Variants in RBM28 observed in about 807,000 individuals in gnomAD.
The protein encoded by RBM28 is RNA-binding protein 28.
RBM28 carries 78 observed loss-of-function variants against 98.3 expected under a neutral mutation model. The observed-to-expected ratio is 0.79, with a 90% CI of 0.66 to 0.96. The LOEUF is 0.96. Among genes scored for constraint, RBM28 ranks in the 40% least tolerant of loss-of-function variants. The pLI is 0.00. For missense variants in RBM28, 838 were observed against 913.0 expected, an observed-to-expected ratio of 0.92 and a Z score of 1.06; for synonymous variants, 306 against 330.9, an observed-to-expected ratio of 0.92 and a Z score of 0.82.
At chr7:128,326,566 A>G (rs971436769) in intron 10 of RBM28, among the ~76,000 whole-genome samples, 2 of 152,230 alleles carry the variant, frequency 1.3e-5, no homozygotes, top group Non-Finnish European at 2.9e-5. Flanking sequence ...TTTGTAGCCT[A>G]GGAGCACATA....
chr7:128,329,062 T>G (rs1584651985), intron 10 of RBM28, among the ~76,000 whole-genome samples: 1 of 151,952 alleles, frequency 6.6e-6, no homozygotes, highest in African/African-American at 2.4e-5. Context: ...CGCAGCCTCC[T>G]GAGTAGCTGG....
Position 128,304,349 on chromosome 7 carries a change from A to C in RBM28, c.*6448T>G, listed in dbSNP as rs1445215865. 6.6e-6 allele frequency: 1 copy of C among 152,230 alleles called. No individual in the cohort carries two copies. The highest frequency in any genetic ancestry group is 2.4e-5 in the African/African-American group (1 of 41,462). The allele number at this position is 152,230 out of a possible 1,614,324, so 9.4% of individuals were successfully genotyped here. Reference sequence around the variant, plus strand: ...TACTATCTGATTCAACAAAGCAGTCACTCATTTCATGGAATGGATATGGGC... The same window carrying C: ...TACTATCTGATTCAACAAAGCAGTCCCTCATTTCATGGAATGGATATGGGC... On this transcript the variant is annotated 3_prime_UTR_variant, in exon 19 of 19. Transcript: ENST00000223073.
chr7:128,334,573 C>T (rs1796556430), intron 8 of RBM28, among the ~76,000 whole-genome samples: 1 of 152,100 alleles, frequency 6.6e-6, no homozygotes, highest in South Asian at 2.1e-4. Flanking sequence ...AAATCTCCAC[C>T]CAGACAAATC....
Position 128,300,619 on chromosome 7 carries a change from G to A in RBM28, c.*10178C>T, listed in dbSNP as rs1795769949. On this transcript the variant is annotated 3_prime_UTR_variant, in exon 19 of 19. Coordinates refer to ENST00000223073, the MANE Select transcript of RBM28 (RefSeq NM_018077.3). ...TTAATGCCCACTAAACGCTTTCTAC[G>A]ATGCCTGGAAACAACTGTTATCAAT... The A allele has an allele frequency of 6.6e-6, 1 of 152,234 alleles. No individual in the cohort carries two copies. The highest frequency in any genetic ancestry group is 6.5e-5 in the Admixed American group (1 of 15,282). The allele number at this position is 152,234 out of a possible 1,614,324, so 9.4% of individuals were successfully genotyped here.
Position 128,335,697 on chromosome 7 carries a change from A to G in RBM28, c.810-18T>C, listed in dbSNP as rs758852792. The G allele has an allele frequency of 6.2e-7, 1 of 1,614,198 alleles. No individual in the cohort carries two copies. The highest frequency in any genetic ancestry group is 8.5e-7 in the Non-Finnish European group (1 of 1,180,042). The stretch of plus-strand genomic sequence containing the variant: ...TGACTGCTCTGCAATGGCACAGATC[A>G]GAACTAAGGAGGTGGGCTGACAGAG... On this transcript the variant is annotated intron_variant, in intron 7 of 18. Coordinates refer to ENST00000223073, the MANE Select transcript of RBM28 (RefSeq NM_018077.3).
At chr7:128,339,137 A>C in intron 3 of RBM28, 90 bp downstream of exon 3, 43 of 1,182,786 alleles carry the variant, frequency 3.6e-5, no homozygotes, top group Non-Finnish European at 5.2e-5. Context: ...AAGCCCAATT[A>C]TACCATCTTG....
At position 128,300,881 on chromosome 7, in the gene RBM28, G is replaced by A. The variant is rs966977175; in HGVS notation, c.*9916C>T. 6 of 152,340 alleles carry A rather than the reference G, an allele frequency of 3.9e-5. No homozygotes were observed. The highest frequency in any genetic ancestry group is 1.4e-4 in the African/African-American group (6 of 41,444). The allele number at this position is 152,340 out of a possible 1,614,324, so 9.4% of individuals were successfully genotyped here. A position where few individuals can be genotyped will look rare whatever the true frequency, so the allele number is the denominator to read the frequency against. ...CTCTTCACAGCGCTCCACCCCTAGG[G>A]CCTGCTTAAATGGCACAGCCAGCTC... On this transcript the variant is annotated 3_prime_UTR_variant, in exon 19 of 19. Coordinates refer to ENST00000223073, the MANE Select transcript of RBM28 (RefSeq NM_018077.3).
chr7:128,320,392 A>G (rs1260244925), intron 14 of RBM28, among the ~76,000 whole-genome samples: 1 of 149,186 alleles, frequency 6.7e-6, no homozygotes, highest in Non-Finnish European at 1.5e-5. Flanking sequence ...CCAAAGACAG[A>G]GCAAGACCAC....
chr7:128,339,233 G>C lies in RBM28; in HGVS notation c.366C>G (p.Ser122Arg). Residue 122 changes from serine (S) to arginine (R), a missense_variant, in exon 3 of 19, where the codon AGC (serine) becomes AGG (arginine). By Grantham distance (110) the Ser-to-Arg change is moderately radical. Coordinates refer to ENST00000223073, the MANE Select transcript of RBM28 (RefSeq NM_018077.3). The part of the protein sequence containing the change: ...KKARLIIRNL[S>R]FKCSEDDLKT... ...CATTTTCTCTCTCACTTACCTTAAA[G>C]CTCAGGTTCCGAATAATTAATCTGG... 6.2e-7 allele frequency: 1 copy of C among 1,609,220 alleles called. No homozygotes were observed. The highest frequency in any genetic ancestry group is 8.5e-7 in the Non-Finnish European group (1 of 1,175,574).
At position 128,333,356 on chromosome 7, in the gene RBM28, T is replaced by C; in HGVS notation, c.953A>G (p.Gln318Arg). The C allele has an allele frequency of 6.3e-7, 1 of 1,597,200 alleles. No homozygotes were observed. The highest frequency in any genetic ancestry group is 8.6e-7 in the Non-Finnish European group (1 of 1,164,688). The change falls in exon 9 of 19, where the codon CAA (glutamine) becomes CGA (arginine). Residue 318 changes from glutamine to arginine, a missense_variant. By Grantham distance (43) the Gln-to-Arg change is conservative (BLOSUM62 1). Transcript: ENST00000223073. ...TTTCCTCTTCTTTTTGTTTGAGACT[T>C]GCACAGCTAAGGTAAAAAGAAAAAC... is the stretch of plus-strand genomic sequence containing the variant. ...STEEQEDKAV[Q>R]VSNKKKRKLP...
At position 128,298,788 on chromosome 7, in the gene RBM28, T is replaced by A. The variant is rs562149559; in HGVS notation, c.*12009A>T. The stretch of plus-strand genomic sequence containing the variant: ...ACTTTGAGAGGCTAAGGTGGGTGGA[T>A]CACTTGAGCTCAGGAGTTTGAGACC... On this transcript the variant is annotated 3_prime_UTR_variant, in exon 19 of 19. Transcript: ENST00000223073. The A allele has an allele frequency of 2.0e-5, 3 of 152,216 alleles. No homozygotes were observed. The South Asian group carries it at 6.2e-4, about 32-fold the overall frequency. The allele number at this position is 152,216 out of a possible 1,614,324, so 9.4% of individuals were successfully genotyped here.
rs1795738252 is a variant in RBM28, at chr7:128,298,530, A to G, written c.*12267T>C. The G allele has an allele frequency of 6.6e-6, 1 of 151,772 alleles. No homozygotes were observed. The highest frequency in any genetic ancestry group is 2.4e-5 in the African/African-American group (1 of 41,310). The allele number at this position is 151,772 out of a possible 1,614,324, so 9.4% of individuals were successfully genotyped here. A position where few individuals can be genotyped will look rare whatever the true frequency, so the allele number is the denominator to read the frequency against. On this transcript the variant is annotated 3_prime_UTR_variant, in exon 19 of 19. Coordinates refer to ENST00000223073, the MANE Select transcript of RBM28 (RefSeq NM_018077.3). The stretch of plus-strand genomic sequence containing the variant: ...TTTTCAGATTCTCTTTACTGAGCAT[A>G]TATTATTTTTACAATCAGAAAAAAA...
At position 128,343,661 on chromosome 7, in the gene RBM28, C is replaced by T. The variant is rs200459017; in HGVS notation, c.118+15G>A. On this transcript the variant is annotated intron_variant, in intron 1 of 18. Transcript: ENST00000223073. ...CAGGAAACCCCAGCCCTATCCTCGA[C>T]CGCCCCGCCCCTACCTTTTTCAGTC... is the stretch of plus-strand genomic sequence containing the variant. 1.1e-4 allele frequency: 178 copies of T among 1,594,064 alleles called. No homozygotes were observed. In the East Asian group the frequency reaches 3.4e-3, roughly 30 times the overall value.
chr7:128,310,661 A>C lies in RBM28; in HGVS notation c.*136T>G. 8.6e-7 allele frequency: 1 copy of C among 1,161,292 alleles called. No homozygotes were observed. The highest frequency in any genetic ancestry group is 1.3e-6 in the Non-Finnish European group (1 of 781,346). The allele number at this position is 1,161,292 out of a possible 1,614,324, so 71.9% of individuals were successfully genotyped here. A position where few individuals can be genotyped will look rare whatever the true frequency, so the allele number is the denominator to read the frequency against. ...ACCAAAGTTCAGATGTACACAGTCC[A>C]GGGCACCTCCGAGCACAGTGGCAGT... is the stretch of plus-strand genomic sequence containing the variant. On this transcript the variant is annotated 3_prime_UTR_variant, in exon 19 of 19. Transcript: ENST00000223073.
rs117179081 is a variant in RBM28 at position 128,317,987 on chromosome 7, G to A, written c.1683C>T (p.Asn561=). 7.0e-4 allele frequency: 1,122 copies of A among 1,614,198 alleles called. 11 individuals carry two copies. In the East Asian group the frequency reaches 0.02, roughly 28 times the overall value. Residue 561 remains asparagine, a synonymous_variant, in exon 15 of 19, where the codon AAC becomes AAT. Transcript: ENST00000223073. The part of the protein sequence containing the change: ...EHALKALRLI[N]NNPEIFGPLK... ...GAGGCCCAAAGATTTCTGGATTGTTGTTGATGAGGCGGAGGGCTTTCAGGG... is the reference window on the plus strand; with the variant it reads ...GAGGCCCAAAGATTTCTGGATTGTTATTGATGAGGCGGAGGGCTTTCAGGG...
chr7:128,315,141 T>C, intron 16 of RBM28, 121 bp from the exon 17 acceptor site: 4 of 1,432,682 alleles, frequency 2.8e-6, no homozygotes, highest in Middle Eastern at 4.3e-4. Context: ...CCCCACACAA[T>C]TGGAGACTAG....
intron 5 of RBM28, among the ~76,000 whole-genome samples, chr7:128,337,655 T>A (rs985610744): frequency 6.6e-6 from 1 of 150,958 alleles, no homozygotes; most frequent in African/African-American, 2.4e-5. Context: ...GCCTCCAGGT[T>A]CAAGCGATTC....
At chr7:128,312,346 C>T (rs1261657967) in intron 18 of RBM28, among the ~76,000 whole-genome samples, 4 of 152,064 alleles carry the variant, frequency 2.6e-5, no homozygotes, top group East Asian at 3.9e-4. Context: ...TGCAGTGAGC[C>T]GAGATTGCGC....
chr7:128,315,841 G>A (rs541505579), intron 16 of RBM28, among the ~76,000 whole-genome samples: 10 of 152,146 alleles, frequency 6.6e-5, no homozygotes, highest in Non-Finnish European at 1.3e-4. Context: ...CAAGAAATGC[G>A]AAATAATCTC....
Sources: gnomAD v4.1 joint callset for allele counts (sites outside exome capture counted in the v4.1 genomes callset) on GRCh38, gnomAD v4.1.1 for gene constraint, MANE v1.5 for transcripts, NCBI Gene and HGNC (gene_info 2026-07-23, HGNC 2026-07-21) for gene names.